The following TAPBPL variants were observed in gnomAD, a reference collection of about 807,000 sequenced individuals.
TAPBPL encodes the protein tapasin-related protein.
TAPBPL carries 32 observed loss-of-function variants against 44.8 expected under a neutral mutation model. The observed-to-expected ratio is 0.71, with a 90% CI of 0.54 to 0.96. TAPBPL has a LOEUF of 0.96. Among genes scored for constraint, TAPBPL ranks in the 40% least tolerant of loss-of-function variants. The pLI is 0.00. For missense variants in TAPBPL, 520 were observed against 586.6 expected (o/e 0.89, Z 1.17); for synonymous variants, 230 against 240.7 (o/e 0.96, Z 0.41).
At chr12:6,452,033 A>T, upstream of TAPBPL, 1 of 599,472 alleles carries the variant, frequency 1.7e-6, no homozygotes, top group Non-Finnish European at 3.0e-6. Context: ...GGGCTCTGGC[A>T]GCTGCTGCAG....
downstream of TAPBPL, chr12:6,465,757 G>A: frequency 3.3e-6 from 5 of 1,538,286 alleles, no homozygotes; most frequent in Non-Finnish European, 3.5e-6. Flanking sequence ...ACCATTAGAG[G>A]GAAGAAATGT....
chr12:6,457,017 G>A (rs574876727), intron 3 of TAPBPL, among the ~76,000 whole-genome samples: 1 of 152,320 alleles, frequency 6.6e-6, no homozygotes, highest in South Asian at 2.1e-4. Flanking sequence ...AGGTGAGCTT[G>A]GTAACACCAA....
At chr12:6,465,748 C>T (rs1296869592), downstream of TAPBPL, 82 of 1,500,620 alleles carry the variant, frequency 5.5e-5, no homozygotes, top group Non-Finnish European at 7.0e-5. Flanking sequence ...AGATCCTGCA[C>T]CATTAGAGGG....
At position 6,453,762 on chromosome 12, in the gene TAPBPL, A is replaced by G. The variant is rs1949630201; in HGVS notation, c.565+46A>G. ...GCCAGGTGTGGTGGCTCACGCCTGTAATTCCAGAATTTTGGGATACCGAGG... is the reference window on the plus strand; with the variant it reads ...GCCAGGTGTGGTGGCTCACGCCTGTGATTCCAGAATTTTGGGATACCGAGG... On this transcript the variant is annotated intron_variant, in intron 3 of 6. Transcript: ENST00000266556. The surrounding 1 kb of genome is among the most constrained non-coding windows in gnomAD (Gnocchi z 4.8). The G allele has an allele frequency of 6.6e-7, 1 of 1,519,068 alleles. No homozygotes were observed. The highest frequency in any genetic ancestry group is 1.4e-5 in the African/African-American group (1 of 72,462). The allele number at this position is 1,519,068 out of a possible 1,614,324, so 94.1% of individuals were successfully genotyped here. A position where few individuals can be genotyped will look rare whatever the true frequency, so the allele number is the denominator to read the frequency against.
chr12:6,458,574 A>G, intron 4 of TAPBPL, 71 bp from the exon 5 acceptor site: 1 of 1,545,914 alleles, frequency 6.5e-7, no homozygotes, highest in Non-Finnish European at 8.8e-7. Flanking sequence ...TGGCAGGAAG[A>G]AAAGGCTTCA....
At chr12:6,468,017 C>A (rs1945672477), downstream of TAPBPL, among the ~76,000 whole-genome samples, 1 of 152,232 alleles carries the variant, frequency 6.6e-6, no homozygotes, top group Non-Finnish European at 1.5e-5. Context: ...AAGGGCAGGG[C>A]CCTCATGGAG....
At chr12:6,470,620 A>G, downstream of TAPBPL, 2 of 1,564,560 alleles carry the variant, frequency 1.3e-6, no homozygotes, top group Non-Finnish European at 1.8e-6. Flanking sequence ...AGTGGACGGA[A>G]CTGCCAAGCT....
chr12:6,453,463 TC>T lies in TAPBPL; in HGVS notation c.316del (p.Gln106ArgfsTer15), dbSNP rs1219982525. 1 of 1,614,108 alleles carries T rather than the reference TC, an allele frequency of 6.2e-7. No homozygotes were observed. Among genetic ancestry groups the T allele is most frequent in the South Asian group, 1.1e-5 (1 of 91,078 alleles). On this transcript the variant is annotated frameshift_variant, in exon 3 of 7. Coordinates refer to ENST00000266556, the MANE Select transcript of TAPBPL (RefSeq NM_018009.5). LOFTEE classifies it high-confidence loss of function. This position sits in a 1 kb window ranked among gnomAD's most constrained non-coding sequence, Gnocchi z 4.8. ...TCTCCCCAGTGGACCTGGTCCAGATTCCCCAGGCCGAGGCCTTGCTCCATGC... is the reference window on the plus strand; with the variant it reads ...TCTCCCCAGTGGACCTGGTCCAGATTCCCAGGCCGAGGCCTTGCTCCATGC... The part of the protein sequence containing the change: ...FEASVDLVQI[P>X]QAEALLHADC...
downstream of TAPBPL, chr12:6,466,256 C>T (rs1256770289): frequency 6.2e-6 from 10 of 1,614,060 alleles, no homozygotes; most frequent in African/African-American, 1.3e-5. Context: ...TTGCTGTAGT[C>T]GTCTGTTACT....
chr12:6,465,438 ATATG>A (rs1949995157), downstream of TAPBPL: 1 of 136,922 alleles, frequency 7.3e-6, no homozygotes, highest in Non-Finnish European at 1.4e-5. Context: ...AAATGTATAT[ATATG>A]TATATATACA....
At chr12:6,451,850 G>C (rs533535193), upstream of TAPBPL, 5 of 296,340 alleles carry the variant, frequency 1.7e-5, no homozygotes, top group African/African-American at 1.1e-4. Context: ...GCGGGGGTGA[G>C]AAAGGTCCCC....
chr12:6,464,696 G>A (rs1425881290), downstream of TAPBPL: 1 of 1,500,330 alleles, frequency 6.7e-7, no homozygotes, highest in East Asian at 2.3e-5. Context: ...ATGCGTTGCA[G>A]GGGGAAGGCT....
downstream of TAPBPL, chr12:6,470,528 A>G (rs1439275036): frequency 6.2e-7 from 1 of 1,614,062 alleles, no homozygotes; most frequent in Non-Finnish European, 8.5e-7. Context: ...GAGTCAACTC[A>G]CATTTTTCTG....
downstream of TAPBPL, among the ~76,000 whole-genome samples, chr12:6,467,904 A>G (rs1289621033): frequency 1.3e-5 from 2 of 152,252 alleles, no homozygotes; most frequent in African/African-American, 4.8e-5. Flanking sequence ...CATGGTGTTG[A>G]GCCTGCAGAT....
chr12:6,466,504 G>A (rs956869722), downstream of TAPBPL: 6 of 693,876 alleles, frequency 8.6e-6, no homozygotes, highest in African/African-American at 3.6e-5. Context: ...GCATCATAGC[G>A]AGACCCCATC....
downstream of TAPBPL, chr12:6,463,325 C>A (rs1041272254): frequency 2.8e-5 from 33 of 1,185,298 alleles, no homozygotes; most frequent in East Asian, 9.9e-5. This position sits in a 1 kb window ranked among gnomAD's most constrained non-coding sequence, Gnocchi z 4.0. Flanking sequence ...ACGCCTCCCC[C>A]CAAGGTGGGG....
downstream of TAPBPL, chr12:6,463,981 C>A: frequency 7.7e-7 from 1 of 1,291,072 alleles, no homozygotes; most frequent in South Asian, 1.2e-5. The surrounding 1 kb of genome is among the most constrained non-coding windows in gnomAD (Gnocchi z 4.0). Context: ...GGACCCTCTT[C>A]AGGCCTGGTC....
chr12:6,460,392 A>G (rs1334567946), intron 5 of TAPBPL, among the ~76,000 whole-genome samples: 1 of 152,074 alleles, frequency 6.6e-6, no homozygotes, highest in Non-Finnish European at 1.5e-5. Context: ...CAGCCTCCCA[A>G]GTACCTGGGA....
downstream of TAPBPL, chr12:6,470,562 C>G: frequency 6.2e-7 from 1 of 1,613,872 alleles, no homozygotes; most frequent in Non-Finnish European, 8.5e-7. Context: ...GGGTCTGTTC[C>G]TCTCCGGAGG....
Sources: gnomAD v4.1 joint callset for allele counts (sites outside exome capture counted in the v4.1 genomes callset) on GRCh38, gnomAD v4.1.1 for gene constraint, Gnocchi (gnomAD v3.1) non-coding constraint, MANE v1.5 for transcripts, NCBI Gene and HGNC (gene_info 2026-07-23, HGNC 2026-07-21) for gene names.